CHCHD3: variants seen among roughly 807,000 people sequenced by gnomAD.
The protein encoded by CHCHD3 is coiled-coil-helix-coiled-coil-helix domain containing 3.
Under a neutral mutation model 38.2 loss-of-function variants are expected in CHCHD3, and 20 were observed. The observed-to-expected ratio is 0.52, with a 90% confidence interval of 0.37 to 0.76. CHCHD3 has a LOEUF of 0.76. Ranked by LOEUF, CHCHD3 falls within the 30% of genes least tolerant of loss-of-function variation. The probability of loss-of-function intolerance (pLI) is 0.00; values close to 1 mark genes in which losing one functional copy is unlikely to be tolerated. For synonymous variants in CHCHD3, 82 were observed against 100.0 expected, an observed-to-expected ratio of 0.82 and a Z score of 1.07; for missense variants, 245 against 279.2, an observed-to-expected ratio of 0.88 and a Z score of 0.87.
chr7:132,843,580 C>T (rs1562882747), intron 5 of CHCHD3, among the ~76,000 whole-genome samples: 3 of 152,208 alleles, frequency 2.0e-5, no homozygotes, highest in Admixed American at 2.0e-4. Context: ...CCCCAAACTC[C>T]TCCAAGAACT....
chr7:133,016,942 C>T (rs1813048751), intron 3 of CHCHD3, among the ~76,000 whole-genome samples: 1 of 152,214 alleles, frequency 6.6e-6, no homozygotes, highest in South Asian at 2.1e-4. Context: ...ACTGTCCACC[C>T]ACCTTTTAAA....
intron 5 of CHCHD3, among the ~76,000 whole-genome samples, chr7:132,870,056 A>G (rs530745290): frequency 5.9e-5 from 9 of 152,226 alleles, no homozygotes; most frequent in African/African-American, 2.2e-4. Context: ...ACATTTCAAT[A>G]TAACAAAATA....
intron 4 of CHCHD3, among the ~76,000 whole-genome samples, chr7:132,887,792 C>T (rs554105343): frequency 6.6e-6 from 1 of 151,714 alleles, no homozygotes; most frequent in Admixed American, 6.6e-5. Flanking sequence ...AATAAAAATA[C>T]TCAATATTGG....
chr7:132,938,665 C>T (rs1810688545), intron 4 of CHCHD3, among the ~76,000 whole-genome samples: 1 of 152,124 alleles, frequency 6.6e-6, no homozygotes. Context: ...AAGCTATCCC[C>T]ATAAGCCACA....
chr7:132,795,162 C>T (rs1225050822), intron 7 of CHCHD3, among the ~76,000 whole-genome samples: 2 of 152,176 alleles, frequency 1.3e-5, no homozygotes, highest in African/African-American at 2.4e-5. Context: ...TTGTCACAAC[C>T]ACTCTTTTCC....
chr7:132,932,105 A>C (rs1336095071), intron 4 of CHCHD3, among the ~76,000 whole-genome samples: 4 of 152,310 alleles, frequency 2.6e-5, no homozygotes, highest in East Asian at 1.9e-4. Context: ...TTTAAGTTTC[A>C]AAAGCAATAA....
intron 2 of CHCHD3, among the ~76,000 whole-genome samples, chr7:133,054,204 T>C (rs1219482780): frequency 2.6e-5 from 4 of 152,204 alleles, no homozygotes. Flanking sequence ...AAGCAATATA[T>C]TACTCCATGA....
chr7:132,886,450 T>TA (rs539869097), intron 4 of CHCHD3, among the ~76,000 whole-genome samples: 1,511 of 150,820 alleles, frequency 0.01, 18 homozygotes, highest in Non-Finnish European at 0.018. Context: ...TCAAGATTTG[T>TA]AAAAAAAAAT....
intron 6 of CHCHD3, among the ~76,000 whole-genome samples, chr7:132,814,881 G>A (rs1464729111): frequency 2.0e-5 from 3 of 152,128 alleles, no homozygotes; most frequent in African/African-American, 7.2e-5. Context: ...TTTAATCAAT[G>A]TCAACTGTCA....
intron 5 of CHCHD3, among the ~76,000 whole-genome samples, chr7:132,859,434 G>T (rs888391963): frequency 6.6e-6 from 1 of 152,138 alleles, no homozygotes; most frequent in East Asian, 1.9e-4. Context: ...GGAAAAATTG[G>T]CTAACAAGTC....
At chr7:132,977,790 T>C (rs1002084611) in intron 3 of CHCHD3, among the ~76,000 whole-genome samples, 1 of 152,176 alleles carries the variant, frequency 6.6e-6, no homozygotes, top group African/African-American at 2.4e-5. Flanking sequence ...TTTTTTCCAT[T>C]TTAGTTTACT....
At chr7:132,933,584 G>T (rs891535016) in intron 4 of CHCHD3, among the ~76,000 whole-genome samples, 3 of 152,198 alleles carry the variant, frequency 2.0e-5, no homozygotes, top group African/African-American at 7.2e-5. Context: ...TGAGAACCAA[G>T]ATTTCTGTTA....
At chr7:132,825,990 C>T (rs1224826866) in intron 6 of CHCHD3, among the ~76,000 whole-genome samples, 1 of 152,170 alleles carries the variant, frequency 6.6e-6, no homozygotes, top group Non-Finnish European at 1.5e-5. Flanking sequence ...CTATAATTGG[C>T]AATTCATTTT....
chr7:132,886,710 T>TA (rs1363550170), intron 4 of CHCHD3, among the ~76,000 whole-genome samples: 1 of 664 alleles, frequency 1.5e-3, no homozygotes, highest in Non-Finnish European at 0.026. Flanking sequence ...GATATATATA[T>TA]TTTTGTGTGT....
chr7:133,051,011 A>G (rs1215411485), intron 2 of CHCHD3, among the ~76,000 whole-genome samples: 1 of 152,152 alleles, frequency 6.6e-6, no homozygotes, highest in Non-Finnish European at 1.5e-5. Context: ...GCAAGACTCC[A>G]TCTCAAAAAA....
intron 3 of CHCHD3, among the ~76,000 whole-genome samples, chr7:133,014,353 A>G (rs1325071191): frequency 2.0e-5 from 3 of 152,088 alleles, no homozygotes; most frequent in Non-Finnish European, 4.4e-5. Flanking sequence ...AAACCTTTCA[A>G]ATGAAATGGT....
At chr7:132,955,326 G>T (rs1811136768) in intron 4 of CHCHD3, among the ~76,000 whole-genome samples, 1 of 152,082 alleles carries the variant, frequency 6.6e-6, no homozygotes, top group South Asian at 2.1e-4. Flanking sequence ...ACACTCTACA[G>T]CCATTGGTGT....
chr7:132,836,479 G>T (rs922238489), intron 6 of CHCHD3, among the ~76,000 whole-genome samples: 4 of 151,730 alleles, frequency 2.6e-5, no homozygotes, highest in South Asian at 4.2e-4. Context: ...CTTCCCATCT[G>T]ATTGTTTTTT....
At chr7:132,943,287 T>TTAA (rs1249864111) in intron 4 of CHCHD3, among the ~76,000 whole-genome samples, 2 of 152,050 alleles carry the variant, frequency 1.3e-5, no homozygotes, top group Middle Eastern at 3.2e-3. Flanking sequence ...ATGTTGAAAA[T>TTAA]TAATAGTCAT....
Sources: allele counts gnomAD v4.1 joint callset (sites outside exome capture counted in the v4.1 genomes callset), GRCh38; gene constraint gnomAD v4.1.1; transcripts MANE v1.5; gene names NCBI Gene and HGNC (gene_info 2026-07-23, HGNC 2026-07-21).